The following MICU2 variants were observed in gnomAD, a reference collection of about 807,000 sequenced individuals.
The protein encoded by MICU2 is calcium uptake protein 2, mitochondrial.
In MICU2, 64 loss-of-function variants were observed where a neutral mutation model predicts 60.4. The observed-to-expected ratio is 1.06, with a 90% CI of 0.87 to 1.31. The LOEUF is 1.31. Among genes scored for constraint, MICU2 ranks in the 50% most tolerant of loss-of-function variants. The pLI is 0.00. For synonymous variants in MICU2, 201 were observed against 175.0 expected, an observed-to-expected ratio of 1.15 and a Z score of -1.17; for missense variants, 569 against 531.0, an observed-to-expected ratio of 1.07 and a Z score of -0.70.
At chr13:21,502,221 C>A (rs1201484992) in intron 9 of MICU2, among the ~76,000 whole-genome samples, 1 of 150,086 alleles carries the variant, frequency 6.7e-6, no homozygotes. Context: ...TCTTCTACTG[C>A]AATTTATTTT....
intron 4 of MICU2, among the ~76,000 whole-genome samples, chr13:21,530,282 A>G (rs540959510): frequency 6.6e-6 from 1 of 152,212 alleles, no homozygotes; most frequent in East Asian, 1.9e-4. Context: ...ACAGCCATTT[A>G]CTGTTTCTGG....
chr13:21,592,493 C>A lies in MICU2; in HGVS notation c.210+11446G>T, dbSNP rs118144761. 7.6e-3 allele frequency among the ~76,000 whole-genome samples: 616 copies of A among 81,410 alleles called. 4 individuals carry two copies. Among genetic ancestry groups the A allele is most frequent in the Middle Eastern group, 0.018 (3 of 166 alleles). The allele number at this position is 81,410 out of a possible 152,430, so 53.4% of individuals were successfully genotyped here. On this transcript the variant is annotated intron_variant, in intron 1 of 11. Coordinates refer to ENST00000382374, the MANE Select transcript of MICU2 (RefSeq NM_152726.3). ...ATTCCAAGTAACTGAAAAGGAGGGA[C>A]TCCTCTCAAACTCATTTTATGAAGA...
chr13:21,514,137 A>G (rs781389881), intron 7 of MICU2, among the ~76,000 whole-genome samples: 20 of 152,202 alleles, frequency 1.3e-4, no homozygotes, highest in Non-Finnish European at 2.8e-4. Flanking sequence ...TAGATGGTAT[A>G]CCCCACCACA....
intron 1 of MICU2, among the ~76,000 whole-genome samples, chr13:21,601,977 G>C (rs1045889389): frequency 2.0e-5 from 3 of 151,834 alleles, no homozygotes; most frequent in African/African-American, 4.8e-5. Context: ...ACGTGGTGGC[G>C]TATGCCTGTA....
intron 2 of MICU2, 23 bp downstream of exon 2, chr13:21,566,774 A>T: frequency 1.7e-6 from 2 of 1,157,998 alleles, no homozygotes; most frequent in Admixed American, 3.5e-5. Flanking sequence ...TTTTTAATTA[A>T]AAAAAAAAAA....
At chr13:21,589,099 C>G (rs1382079276) in intron 1 of MICU2, among the ~76,000 whole-genome samples, 1 of 152,162 alleles carries the variant, frequency 6.6e-6, no homozygotes, top group Non-Finnish European at 1.5e-5. Flanking sequence ...ATGATTAAAA[C>G]TCAATGTTGC....
Position 21,536,392 on chromosome 13 carries a change from G to A in MICU2, c.466+2910C>T, listed in dbSNP as rs187204728. 1.7e-3 allele frequency among the ~76,000 whole-genome samples: 259 copies of A among 151,520 alleles called. 3 individuals carry two copies. Among genetic ancestry groups the A allele is most frequent in the African/African-American group, 6.1e-3 (251 of 41,232 alleles). On this transcript the variant is annotated intron_variant, in intron 4 of 11. Coordinates refer to ENST00000382374, the MANE Select transcript of MICU2 (RefSeq NM_152726.3). ...TCTGTTGCCCAGGTGACCACACACA[G>A]CTCACTGCAATTGCAACCTCAACCT... is the stretch of plus-strand genomic sequence containing the variant.
At position 21,589,280 on chromosome 13, in the gene MICU2, T is replaced by C. The variant is rs1391553114; in HGVS notation, c.210+14659A>G. Among the ~76,000 whole-genome samples, 8 of 152,192 alleles carry C rather than the reference T, an allele frequency of 5.3e-5. No homozygotes were observed. The East Asian group carries it at 5.8e-4, about 11-fold the overall frequency. Reference sequence around the variant, plus strand: ...AAGGAATAATAGCCTCAATTCTTACTTCCCTCACAGCCGTAATGGGTGTAC... The same window carrying C: ...AAGGAATAATAGCCTCAATTCTTACCTCCCTCACAGCCGTAATGGGTGTAC... On this transcript the variant is annotated intron_variant, in intron 1 of 11. Transcript: ENST00000382374.
At chr13:21,583,536 T>C (rs1004125467) in intron 1 of MICU2, among the ~76,000 whole-genome samples, 2 of 152,204 alleles carry the variant, frequency 1.3e-5, no homozygotes, top group Admixed American at 1.3e-4. Flanking sequence ...CTTCAACATA[T>C]GTAGGCTGCT....
At chr13:21,505,727 C>A (rs1886276310) in intron 8 of MICU2, among the ~76,000 whole-genome samples, 1 of 152,156 alleles carries the variant, frequency 6.6e-6, no homozygotes, top group African/African-American at 2.4e-5. Flanking sequence ...CCACCACCTA[C>A]CAGGGAACTG....
At chr13:21,517,527 G>C (rs1187449765) in intron 6 of MICU2, among the ~76,000 whole-genome samples, 1 of 152,170 alleles carries the variant, frequency 6.6e-6, no homozygotes, top group African/African-American at 2.4e-5. Flanking sequence ...TGTAATCCCA[G>C]CACTTTGGGA....
Position 21,546,056 on chromosome 13 carries a change from T to TCAAAAAAA in MICU2, c.359-6369_359-6368insTTTTTTTG. ...AAAAAAAATCAATAAATAAAACATTTTAAGTGGTAACTGAAGAAAAAAAGA... is the reference window on the plus strand; with the variant it reads ...AAAAAAAATCAATAAATAAAACATTTCAAAAAAATAAGTGGTAACTGAAGAAAAAAAGA... On this transcript the variant is annotated intron_variant, in intron 2 of 11. Coordinates refer to ENST00000382374, the MANE Select transcript of MICU2 (RefSeq NM_152726.3). Among the ~76,000 whole-genome samples, 6 of 152,292 alleles carry TCAAAAAAA rather than the reference T, an allele frequency of 3.9e-5. No homozygotes were observed. The South Asian group carries it at 1.2e-3, about 32-fold the overall frequency.
intron 1 of MICU2, among the ~76,000 whole-genome samples, chr13:21,567,614 C>T (rs934660863): frequency 7.9e-5 from 12 of 152,170 alleles, no homozygotes; most frequent in Admixed American, 4.6e-4. Flanking sequence ...TAAAATATTG[C>T]AGAATATATA....
chr13:21,548,762 C>T (rs1887474503), intron 2 of MICU2, among the ~76,000 whole-genome samples: 1 of 151,992 alleles, frequency 6.6e-6, no homozygotes, highest in South Asian at 2.1e-4. Context: ...CTTGTTTGAT[C>T]AAAACAATCA....
chr13:21,584,105 A>G (rs1030225576), intron 1 of MICU2, among the ~76,000 whole-genome samples: 2 of 152,150 alleles, frequency 1.3e-5, no homozygotes, highest in African/African-American at 4.8e-5. Flanking sequence ...AATGGTTTGC[A>G]CTGGCCAGGC....
intron 4 of MICU2, 142 bp from the exon 5 acceptor site, chr13:21,522,792 T>C (rs995281472): frequency 1.7e-5 from 9 of 537,834 alleles, no homozygotes; most frequent in African/African-American, 1.6e-4. Flanking sequence ...ATTTTTATAA[T>C]AGTTGAAGTA....
intron 1 of MICU2, among the ~76,000 whole-genome samples, chr13:21,600,118 G>A (rs1343795393): frequency 6.6e-6 from 1 of 152,086 alleles, no homozygotes; most frequent in Admixed American, 6.6e-5. Context: ...ACATATGGGG[G>A]TCCATGAGGG....
intron 1 of MICU2, among the ~76,000 whole-genome samples, chr13:21,578,262 A>G (rs1162910698): frequency 6.6e-6 from 1 of 152,210 alleles, no homozygotes; most frequent in Non-Finnish European, 1.5e-5. Flanking sequence ...ATGAATGGGA[A>G]TCAATTCCAA....
chr13:21,557,392 G>A (rs1295455111), intron 2 of MICU2, among the ~76,000 whole-genome samples: 1 of 152,126 alleles, frequency 6.6e-6, no homozygotes, highest in East Asian at 1.9e-4. Context: ...CACATTTGAT[G>A]GTTTTTAGAG....
Sources: allele counts gnomAD v4.1 joint callset (sites outside exome capture counted in the v4.1 genomes callset), GRCh38; gene constraint gnomAD v4.1.1; transcripts MANE v1.5; gene names NCBI Gene and HGNC (gene_info 2026-07-23, HGNC 2026-07-21).